Variants in KAT6B observed in about 807,000 individuals in gnomAD.
KAT6B encodes the protein histone acetyltransferase KAT6B.
In KAT6B, 10 loss-of-function variants were observed where a neutral mutation model predicts 187.5. The observed-to-expected ratio is 0.05, with a 90% CI of 0.03 to 0.09. The LOEUF is 0.09. KAT6B is among the 10% of genes least tolerant of loss of function. KAT6B has a pLI of 1.00. For synonymous variants in KAT6B, 861 were observed against 926.8 expected, an observed-to-expected ratio of 0.93 and a Z score of 1.29; for missense variants, 1,952 against 2,558.9, an observed-to-expected ratio of 0.76 and a Z score of 5.12.
intron 3 of KAT6B, among the ~76,000 whole-genome samples, chr10:74,929,895 A>C (rs915429832): frequency 1.3e-5 from 2 of 151,566 alleles, no homozygotes; most frequent in African/African-American, 4.8e-5. Flanking sequence ...CTTTTCACAG[A>C]CTAAATTATC....
In KAT6B at chr10:75,022,018, A is replaced by G; in HGVS notation, c.3159A>G (p.Pro1053=). Residue 1053 remains proline (P), a synonymous_variant, in exon 16 of 18, where the codon CCA becomes CCG. Coordinates refer to ENST00000287239, the MANE Select transcript of KAT6B (RefSeq NM_012330.4). The part of the protein sequence containing the change: ...NKYLHSPESR[P]VTGERGQLLE... ...ATTTGCATTCCCCGGAGAGCCGGCC[A>G]GTCACAGGGGAGCGAGGGCAGCTGC... 6.2e-7 allele frequency: 1 copy of G among 1,614,132 alleles called. No homozygotes were observed. The highest frequency in any genetic ancestry group is 8.5e-7 in the Non-Finnish European group (1 of 1,180,018).
intron 3 of KAT6B, among the ~76,000 whole-genome samples, chr10:74,924,501 A>G (rs1456906844): frequency 6.6e-6 from 1 of 152,226 alleles, no homozygotes; most frequent in African/African-American, 2.4e-5. Context: ...GCAACAATTC[A>G]AAGAATGAGA....
At chr10:74,989,236 A>G (rs543501759) in intron 13 of KAT6B, 124 bp downstream of exon 13, 3 of 733,122 alleles carry the variant, frequency 4.1e-6, no homozygotes, top group South Asian at 2.9e-5. Context: ...TGGGCTTTCT[A>G]TTTATATTTA....
Position 75,029,582 on chromosome 10 carries a change from C to A in KAT6B, c.4758C>A (p.Thr1586=), listed in dbSNP as rs149654793. 1.2e-6 allele frequency: 2 copies of A among 1,614,124 alleles called. No homozygotes were observed. The highest frequency in any genetic ancestry group is 2.2e-5 in the South Asian group (2 of 91,074). Residue 1586 remains threonine (T), a synonymous_variant, in exon 18 of 18, where the codon ACC becomes ACA. Coordinates refer to ENST00000287239, the MANE Select transcript of KAT6B (RefSeq NM_012330.4). This position sits in a 1 kb window ranked among gnomAD's most constrained non-coding sequence, Gnocchi z 6.2. ...TRADQSPQIA[T]TLDDCQQSDH... ...CAGACCAAAGTCCACAGATTGCCAC[C>A]ACGCTCGACGATTGCCAACAGTCGG...
At chr10:74,942,775 A>G (rs1053766841) in intron 3 of KAT6B, among the ~76,000 whole-genome samples, 5 of 149,708 alleles carry the variant, frequency 3.3e-5, no homozygotes, top group Non-Finnish European at 5.9e-5. Flanking sequence ...CAAAAAAAAA[A>G]AAAAAAAAAA....
At chr10:74,992,671 C>T (rs1226573584) in intron 13 of KAT6B, among the ~76,000 whole-genome samples, 1 of 152,094 alleles carries the variant, frequency 6.6e-6, no homozygotes, top group African/African-American at 2.4e-5. Flanking sequence ...AAATGCAGGG[C>T]TTTGAACACT....
intron 13 of KAT6B, among the ~76,000 whole-genome samples, chr10:75,005,654 G>C (rs1159827831): frequency 5.3e-5 from 8 of 152,040 alleles, no homozygotes; most frequent in Admixed American, 5.2e-4. Context: ...TCCTTAACTT[G>C]TTTAGAATTG....
chr10:74,962,479 A>G (rs1199477996), intron 4 of KAT6B, among the ~76,000 whole-genome samples: 2 of 152,214 alleles, frequency 1.3e-5, no homozygotes, highest in African/African-American at 4.8e-5. Context: ...TCTCACTCTC[A>G]GAAGAGTCTA....
chr10:74,842,253 T>C lies in KAT6B; in HGVS notation c.-258-347T>C, dbSNP rs890909380. ...TCATCAGATTTTTTATATCATAGACTTATTCTTTGATGTGTATTTTATGTT... is the reference window on the plus strand; with the variant it reads ...TCATCAGATTTTTTATATCATAGACCTATTCTTTGATGTGTATTTTATGTT... On this transcript the variant is annotated intron_variant, in intron 2 of 17. Transcript: ENST00000287239. Among the ~76,000 whole-genome samples, 9 of 152,376 alleles carry C rather than the reference T, an allele frequency of 5.9e-5. No homozygotes were observed. The South Asian group carries it at 6.2e-4, about 11-fold the overall frequency.
intron 3 of KAT6B, among the ~76,000 whole-genome samples, chr10:74,873,313 A>G (rs1360893144): frequency 6.6e-6 from 1 of 151,876 alleles, no homozygotes; most frequent in Non-Finnish European, 1.5e-5. Context: ...ATGAAAAAAA[A>G]AAAAAGCCAG....
chr10:75,013,727 C>G (rs1844778466), intron 13 of KAT6B, among the ~76,000 whole-genome samples: 1 of 152,178 alleles, frequency 6.6e-6, no homozygotes, highest in South Asian at 2.1e-4. Context: ...CATATTAACT[C>G]AATCCTTACC....
intron 3 of KAT6B, among the ~76,000 whole-genome samples, chr10:74,942,342 G>A (rs536078109): frequency 1.3e-5 from 2 of 152,054 alleles, no homozygotes; most frequent in Admixed American, 1.3e-4. Flanking sequence ...GTGACATGAA[G>A]CAAATATATG....
chr10:74,936,587 G>A (rs1391963725), intron 3 of KAT6B, among the ~76,000 whole-genome samples: 2 of 152,140 alleles, frequency 1.3e-5, no homozygotes, highest in Non-Finnish European at 2.9e-5. Context: ...AGGGATGAGT[G>A]AGATGTTTAT....
At chr10:74,921,532 A>T (rs989459598) in intron 3 of KAT6B, among the ~76,000 whole-genome samples, 1 of 152,184 alleles carries the variant, frequency 6.6e-6, no homozygotes, top group South Asian at 2.1e-4. Flanking sequence ...TAAGAAGGAC[A>T]TCACTAAGGG....
intron 9 of KAT6B, 53 bp downstream of exon 9, chr10:74,977,490 T>C (rs1589741928): frequency 1.3e-6 from 2 of 1,596,060 alleles, no homozygotes; most frequent in East Asian, 2.2e-5. Flanking sequence ...GGCTTCTAAC[T>C]ATTAATATGG....
chr10:74,890,760 AT>A (rs1294901394), intron 3 of KAT6B, among the ~76,000 whole-genome samples: 8 of 151,656 alleles, frequency 5.3e-5, no homozygotes, highest in Non-Finnish European at 7.4e-5. Context: ...TTGGTTACCA[AT>A]TTTTTTTTGT....
chr10:74,891,104 T>C lies in KAT6B; in HGVS notation c.621+47626T>C, dbSNP rs145163700. ...TAGTGGGGGATGAAATGGATGAACA[T>C]TGGGGAAAGCTGTGATCCTTGTTAC... On this transcript the variant is annotated intron_variant, in intron 3 of 17. Transcript: ENST00000287239. 1.8e-3 allele frequency among the ~76,000 whole-genome samples: 280 copies of C among 152,302 alleles called. 3 individuals carry two copies. The highest frequency in any genetic ancestry group is 6.1e-3 in the African/African-American group (253 of 41,572).
At chr10:74,856,253 C>CT (rs1255551333) in intron 3 of KAT6B, among the ~76,000 whole-genome samples, 1 of 151,970 alleles carries the variant, frequency 6.6e-6, no homozygotes, top group African/African-American at 2.4e-5. Context: ...GCCCGGCTAA[C>CT]TTTTTTTATT....
chr10:75,024,794 G>T (rs765703869), intron 16 of KAT6B, among the ~76,000 whole-genome samples, 164 bp from the exon 17 acceptor site: 7 of 152,194 alleles, frequency 4.6e-5, no homozygotes, highest in Admixed American at 2.6e-4. Context: ...GTTGGAGCCC[G>T]AGAGGGATGT....
Sources: gnomAD v4.1 joint callset for allele counts (sites outside exome capture counted in the v4.1 genomes callset) on GRCh38, gnomAD v4.1.1 for gene constraint, Gnocchi (gnomAD v3.1) non-coding constraint, MANE v1.5 for transcripts, NCBI Gene and HGNC (gene_info 2026-07-23, HGNC 2026-07-21) for gene names.